GNPTAB: variants seen among roughly 807,000 people sequenced by gnomAD.
GNPTAB encodes N-acetylglucosamine-1-phosphotransferase subunits alpha/beta.
In GNPTAB, 92 loss-of-function variants were observed where a neutral mutation model predicts 136.6. The ratio of observed to expected loss-of-function variants is 0.67; its 90% confidence interval spans 0.57 to 0.80. The LOEUF is 0.80. Among genes scored for constraint, GNPTAB ranks in the 30% least tolerant of loss-of-function variants. GNPTAB has a pLI of 0.00. For missense variants in GNPTAB, 1,343 were observed against 1,501.8 expected (o/e 0.89, Z 1.75); for synonymous variants, 512 against 535.1 (o/e 0.96, Z 0.60).
intron 5 of GNPTAB, among the ~76,000 whole-genome samples, chr12:101,781,080 G>T (rs1178147533): frequency 6.6e-6 from 1 of 152,178 alleles, no homozygotes. Context: ...TATGGATCTT[G>T]TGGTTCCTTA....
At chr12:101,813,784 G>C (rs932303305) in intron 1 of GNPTAB, among the ~76,000 whole-genome samples, 6 of 152,006 alleles carry the variant, frequency 3.9e-5, no homozygotes, top group African/African-American at 1.4e-4. Context: ...AGGATCACTT[G>C]AGCTCAAGAG....
intron 16 of GNPTAB, among the ~76,000 whole-genome samples, chr12:101,758,126 C>T (rs12371863): frequency 0.13 from 20,210 of 151,546 alleles, 1,720 homozygotes; most frequent in African/African-American, 0.24. Flanking sequence ...GCAACTTCCA[C>T]CTCTCGGGTT....
At position 101,761,648 on chromosome 12, in the gene GNPTAB, C is replaced by G. The variant is rs1566071822; in HGVS notation, c.2831G>C (p.Ser944Thr). The G allele has an allele frequency of 8.1e-6, 13 of 1,613,950 alleles. No homozygotes were observed. Among genetic ancestry groups the G allele is most frequent in the Non-Finnish European group, 1.0e-5 (12 of 1,179,972 alleles). Residue 944 changes from serine to threonine, a missense_variant, in exon 14 of 21, where the codon AGC (serine) becomes ACC (threonine). Ser to Thr is a moderately conservative substitution (Grantham distance 58). Transcript: ENST00000299314. ...SLRYVNKILN[S>T]KFGFTSRKVP... ...TTTCCGCGATGTGAATCCAAACTTG[C>G]TATTTAGAATTTTATTTACATATCT...
Position 101,765,231 on chromosome 12 carries a change from G to T in GNPTAB, c.1686C>A (p.Cys562Ter). 2 of 1,613,866 alleles carry T rather than the reference G, an allele frequency of 1.2e-6. No individual in the cohort carries two copies. The highest frequency in any genetic ancestry group is 2.7e-5 in the African/African-American group (2 of 75,022). Reference protein sequence around the residue: ...QTHYIIPKGECLPYFSFAEVA... With the variant: ...QTHYIIPKGE ...CTTCTGCAAAGCTGAAATAAGGCAGGCATTCACCTTTTGGAATAATATAGT... is the reference window on the plus strand; with the variant it reads ...CTTCTGCAAAGCTGAAATAAGGCAGTCATTCACCTTTTGGAATAATATAGT... The change falls in exon 13 of 21, where the codon TGC (cysteine) becomes TGA (stop). Residue 562 changes from cysteine (C) to a stop codon, truncating the protein, a stop_gained. Transcript: ENST00000299314. LOFTEE classifies it high-confidence loss of function.
At chr12:101,791,727 A>C (rs1869005790) in intron 2 of GNPTAB, among the ~76,000 whole-genome samples, 1 of 152,206 alleles carries the variant, frequency 6.6e-6, no homozygotes, top group Non-Finnish European at 1.5e-5. Flanking sequence ...CTAGACTTTC[A>C]GTTGCTACCA....
intron 1 of GNPTAB, among the ~76,000 whole-genome samples, chr12:101,820,554 G>A (rs1870740692): frequency 6.6e-6 from 1 of 152,182 alleles, no homozygotes. Flanking sequence ...ACTATAGGAT[G>A]TTTGGCAGGA....
Position 101,786,176 on chromosome 12 carries a change from A to C in GNPTAB, c.407T>G (p.Val136Gly). 1 of 1,613,952 alleles carries C rather than the reference A, an allele frequency of 6.2e-7. No individual in the cohort carries two copies. ...LECLLTHCIK[V>G]PMLVLDPALP... is the part of the protein sequence containing the mutation. The stretch of plus-strand genomic sequence containing the variant: ...GGCTGGGTCCAGGACAAGCATTGGC[A>C]CCTTAATGCAGTGTGTTAGCAAACA... Residue 136 changes from valine (V) to glycine (G), a missense_variant, in exon 5 of 21, where the codon GTG becomes GGG. By Grantham distance (109) the Val-to-Gly change is moderately radical. Transcript: ENST00000299314.
At chr12:101,783,997 C>CG (rs1286234221) in intron 5 of GNPTAB, among the ~76,000 whole-genome samples, 2 of 152,042 alleles carry the variant, frequency 1.3e-5, no homozygotes, top group East Asian at 3.9e-4. Context: ...GGATTATAGG[C>CG]GTGAGCCACC....
chr12:101,768,282 C>T (rs955733492), intron 10 of GNPTAB, 122 bp from the exon 11 acceptor site: 13 of 1,092,812 alleles, frequency 1.2e-5, no homozygotes, highest in Non-Finnish European at 1.7e-5. Flanking sequence ...TTTCAAAGGG[C>T]TCAGCGTTCA....
intron 1 of GNPTAB, among the ~76,000 whole-genome samples, chr12:101,803,711 G>T (rs1431829098): frequency 1.3e-5 from 2 of 152,216 alleles, no homozygotes; most frequent in Non-Finnish European, 2.9e-5. Context: ...TGACATTCCT[G>T]TTAAGGATTA....
chr12:101,793,036 C>T lies in GNPTAB; in HGVS notation c.204-2979G>A, dbSNP rs74343900. ...TGATTTATATGTAGGTTACACACTT[C>T]GCTTTTTTTCCCCACTAAAATGCCA... On this transcript the variant is annotated intron_variant, in intron 2 of 20. Transcript: ENST00000299314. Among the ~76,000 whole-genome samples the T allele has an allele frequency of 2.1e-4, 32 of 152,286 alleles. No homozygotes were observed. In the East Asian group the frequency reaches 5.2e-3, roughly 25 times the overall value.
Position 101,770,128 on chromosome 12 carries a change from G to A in GNPTAB, c.1177C>T (p.His393Tyr), listed in dbSNP as rs756486285. Reference protein sequence around the residue: ...FSSPAIESHIHRIEGLSQKFI... With the variant: ...FSSPAIESHIYRIEGLSQKFI... ...TTCTGGGACAGCCCTTCGATGCGAT[G>A]AATGTGACTTTCAATAGCAGGTGAA... The change falls in exon 10 of 21, where the codon CAT becomes TAT. Residue 393 changes from histidine to tyrosine, a missense_variant. By Grantham distance (83) the His-to-Tyr change is moderately conservative. Transcript: ENST00000299314. 1 of 1,614,142 alleles carries A rather than the reference G, an allele frequency of 6.2e-7. No homozygotes were observed. The highest frequency in any genetic ancestry group is 1.7e-5 in the Admixed American group (1 of 60,026).
chr12:101,755,722 T>C (rs543660368), intron 18 of GNPTAB, among the ~76,000 whole-genome samples: 19 of 152,300 alleles, frequency 1.2e-4, no homozygotes, highest in African/African-American at 4.1e-4. Flanking sequence ...TGACTTAAAA[T>C]AAGCCTTCGT....
intron 10 of GNPTAB, among the ~76,000 whole-genome samples, chr12:101,769,738 G>A (rs115328912): frequency 0.013 from 1,904 of 147,716 alleles, 46 homozygotes; most frequent in African/African-American, 0.046. Context: ...CTCCCCCCAC[G>A]GCCCCCCAAC....
intron 15 of GNPTAB, among the ~76,000 whole-genome samples, chr12:101,760,891 T>C (rs1394302504): frequency 1.3e-5 from 2 of 151,808 alleles, no homozygotes; most frequent in Admixed American, 6.6e-5. Context: ...GCGTTTCTCC[T>C]GTCTCAGCCT....
chr12:101,753,185 G>T (rs143470320), intron 19 of GNPTAB, among the ~76,000 whole-genome samples, 187 bp downstream of exon 19: 3 of 151,830 alleles, frequency 2.0e-5, no homozygotes, highest in African/African-American at 7.3e-5. Flanking sequence ...CCCAGGAGGC[G>T]GAGGTTGCAG....
At chr12:101,770,873 T>C (rs1232640181) in intron 8 of GNPTAB, 123 bp downstream of exon 8, 3 of 1,031,422 alleles carry the variant, frequency 2.9e-6, no homozygotes, top group South Asian at 1.3e-5. Context: ...ACTGAAAAAT[T>C]AGAAAAATTC....
At chr12:101,764,143 A>G (rs1953046111) in intron 13 of GNPTAB, 59 bp downstream of exon 13, 1 of 1,609,036 alleles carries the variant, frequency 6.2e-7, no homozygotes. Flanking sequence ...TAATGATATT[A>G]TCATGAGATT....
At chr12:101,781,908 T>C (rs1048979557) in intron 5 of GNPTAB, among the ~76,000 whole-genome samples, 3 of 152,228 alleles carry the variant, frequency 2.0e-5, no homozygotes, top group Non-Finnish European at 4.4e-5. Context: ...GCATCTCATG[T>C]CATCTTCATG....
Sources: allele counts gnomAD v4.1 joint callset (sites outside exome capture counted in the v4.1 genomes callset), GRCh38; gene constraint gnomAD v4.1.1; transcripts MANE v1.5; gene names NCBI Gene and HGNC (gene_info 2026-07-23, HGNC 2026-07-21).